The following KCND3 variants were observed in gnomAD, a reference collection of about 807,000 sequenced individuals.
KCND3 encodes potassium voltage-gated channel subfamily D member 3.
A neutral mutation model predicts 51.1 loss-of-function variants in KCND3; 9 were observed. The observed-to-expected ratio is 0.18, with a 90% CI of 0.11 to 0.31. The LOEUF (loss-of-function observed/expected upper bound fraction) is 0.31, where lower values mean the gene tolerates loss of function less well. Ranked by LOEUF, KCND3 falls within the 10% of genes least tolerant of loss-of-function variation. The pLI, the probability that KCND3 is intolerant of heterozygous loss-of-function variation, is 1.00. For missense variants in KCND3, 526 were observed against 903.8 expected (o/e 0.58, Z 5.36); for synonymous variants, 349 against 368.0 (o/e 0.95, Z 0.59).
intron 2 of KCND3, among the ~76,000 whole-genome samples, chr1:111,937,936 C>G (rs1672301238): frequency 2.0e-5 from 3 of 152,218 alleles, no homozygotes; most frequent in Non-Finnish European, 4.4e-5. Flanking sequence ...ATGCCACTCT[C>G]CCACTCAACC....
chr1:111,903,636 GGT>G (rs1348189519), intron 2 of KCND3, among the ~76,000 whole-genome samples: 2 of 152,182 alleles, frequency 1.3e-5, no homozygotes, highest in Non-Finnish European at 2.9e-5. Context: ...ACCTGGCATT[GGT>G]GACATCTCTG....
At chr1:111,965,207 G>A (rs191525680) in intron 2 of KCND3, among the ~76,000 whole-genome samples, 1 of 151,852 alleles carries the variant, frequency 6.6e-6, no homozygotes, top group East Asian at 1.9e-4. Flanking sequence ...GAGTAAAAGG[G>A]GTGTGGAGGT....
intron 2 of KCND3, among the ~76,000 whole-genome samples, chr1:111,927,566 G>T (rs547316624): frequency 6.6e-6 from 1 of 152,320 alleles, no homozygotes; most frequent in Admixed American, 6.5e-5. Context: ...ACCCTGGGGT[G>T]GACTTTCCAG....
chr1:111,808,336 A>G (rs754335761), intron 2 of KCND3, among the ~76,000 whole-genome samples: 3 of 152,218 alleles, frequency 2.0e-5, no homozygotes, highest in Admixed American at 1.3e-4. Context: ...CGGTTTGTTC[A>G]TACTGACAGG....
At chr1:111,839,407 G>A (rs1471409695) in intron 2 of KCND3, among the ~76,000 whole-genome samples, 1 of 152,210 alleles carries the variant, frequency 6.6e-6, no homozygotes, top group Non-Finnish European at 1.5e-5. Context: ...ATTCCTTCCT[G>A]CCCTTCAGCA....
intron 2 of KCND3, among the ~76,000 whole-genome samples, chr1:111,908,115 T>G (rs1488841246): frequency 6.6e-6 from 1 of 152,246 alleles, no homozygotes; most frequent in East Asian, 1.9e-4. Flanking sequence ...GAAAACACTC[T>G]GAGGGTTTTA....
intron 2 of KCND3, among the ~76,000 whole-genome samples, chr1:111,884,709 C>T (rs1669489658): frequency 1.3e-5 from 2 of 152,118 alleles, no homozygotes. Flanking sequence ...AGAGGATTTT[C>T]CCTTGCCAAA....
intron 6 of KCND3, among the ~76,000 whole-genome samples, chr1:111,777,941 T>C (rs1324673782): frequency 6.6e-6 from 1 of 152,166 alleles, no homozygotes; most frequent in South Asian, 2.1e-4. Context: ...CTGGAGGCCA[T>C]TGGGATGGGG....
At position 111,837,344 on chromosome 1, in the gene KCND3, G is replaced by A. The variant is rs558838978; in HGVS notation, c.1107-50238C>T. Among the ~76,000 whole-genome samples the A allele has an allele frequency of 1.6e-4, 25 of 152,282 alleles. No individual in the cohort carries two copies. The South Asian group carries it at 4.8e-3, about 29-fold the overall frequency. On this transcript the variant is annotated intron_variant, in intron 2 of 7. Coordinates refer to ENST00000302127, the MANE Select transcript of KCND3 (RefSeq NM_001378969.1). ...GAGATACCAGATATCCTTCTGATAT[G>A]AGGCCTACTCTAAAAAACAAGAAGA... is the stretch of plus-strand genomic sequence containing the variant.
At chr1:111,847,968 G>A (rs957672785) in intron 2 of KCND3, among the ~76,000 whole-genome samples, 7 of 152,194 alleles carry the variant, frequency 4.6e-5, no homozygotes, top group African/African-American at 7.2e-5. Context: ...CCTAGGCCTC[G>A]CCTCTCCCAC....
chr1:111,962,419 G>A (rs563748455), intron 2 of KCND3, among the ~76,000 whole-genome samples: 13 of 152,288 alleles, frequency 8.5e-5, no homozygotes, highest in African/African-American at 2.2e-4. Flanking sequence ...CCTTTGGCCC[G>A]GGGGAGCTGC....
chr1:111,867,035 A>G (rs1668610733), intron 2 of KCND3, among the ~76,000 whole-genome samples: 1 of 152,196 alleles, frequency 6.6e-6, no homozygotes, highest in Non-Finnish European at 1.5e-5. Context: ...CCAGTTAGTC[A>G]CCTGTGTGAT....
chr1:111,949,341 T>C (rs116451294), intron 2 of KCND3, among the ~76,000 whole-genome samples: 2 of 152,176 alleles, frequency 1.3e-5, no homozygotes, highest in Non-Finnish European at 2.9e-5. Context: ...AAAATGCACT[T>C]CAAATTCTAA....
intron 2 of KCND3, among the ~76,000 whole-genome samples, chr1:111,960,720 G>A (rs1215632693): frequency 2.0e-5 from 3 of 152,248 alleles, no homozygotes; most frequent in African/African-American, 7.2e-5. Flanking sequence ...CTCAGCTGGG[G>A]TTGGGGGAAC....
intron 1 of KCND3, among the ~76,000 whole-genome samples, chr1:111,984,715 C>T (rs780504071): frequency 6.6e-6 from 1 of 152,176 alleles, no homozygotes; most frequent in Non-Finnish European, 1.5e-5. Flanking sequence ...GGCCCAGGCA[C>T]CCATCCTAGT....
intron 2 of KCND3, among the ~76,000 whole-genome samples, chr1:111,813,547 T>C (rs1665950627): frequency 6.6e-6 from 1 of 152,142 alleles, no homozygotes; most frequent in Non-Finnish European, 1.5e-5. Flanking sequence ...CCATCTGTAA[T>C]GAGAGGCAAG....
intron 2 of KCND3, among the ~76,000 whole-genome samples, chr1:111,867,445 G>C (rs1019567361): frequency 1.3e-5 from 2 of 152,206 alleles, no homozygotes; most frequent in Non-Finnish European, 2.9e-5. Context: ...TGAATATGCA[G>C]AGCACCCCAA....
chr1:111,953,345 A>T (rs2101910925), intron 2 of KCND3, among the ~76,000 whole-genome samples: 1 of 152,296 alleles, frequency 6.6e-6, no homozygotes, highest in East Asian at 1.9e-4. Context: ...TCAAGCCAAG[A>T]GTGAGGGGCG....
At chr1:111,785,998 T>C (rs1664589554) in intron 3 of KCND3, among the ~76,000 whole-genome samples, 1 of 152,198 alleles carries the variant, frequency 6.6e-6, no homozygotes, top group African/African-American at 2.4e-5. Flanking sequence ...CTCCTGTCCG[T>C]TGTCCTCAGA....
Sources: allele counts gnomAD v4.1 joint callset (sites outside exome capture counted in the v4.1 genomes callset), GRCh38; gene constraint gnomAD v4.1.1; transcripts MANE v1.5; gene names NCBI Gene and HGNC (gene_info 2026-07-23, HGNC 2026-07-21).